The following AGBL4 variants were observed in gnomAD, a reference collection of about 807,000 sequenced individuals.
AGBL4 encodes the protein AGBL carboxypeptidase 4, also known as cytosolic carboxypeptidase 6.
In AGBL4, 58 loss-of-function variants were observed where a neutral mutation model predicts 66.4. The ratio of observed to expected loss-of-function variants is 0.87; its 90% confidence interval spans 0.71 to 1.09. The LOEUF (loss-of-function observed/expected upper bound fraction) is 1.09, where lower values mean the gene tolerates loss of function less well. Ranked by LOEUF, AGBL4 falls within the 50% of genes least tolerant of loss-of-function variation. The pLI is 0.00. For synonymous variants in AGBL4, 234 were observed against 222.9 expected (o/e 1.05, Z -0.44); for missense variants, 579 against 631.0 (o/e 0.92, Z 0.88).
chr1:49,257,531 C>T (rs556328730), intron 3 of AGBL4: 1 of 153,080 alleles, frequency 6.5e-6, no homozygotes, highest in South Asian at 2.1e-4. Context: ...CAGAAAAGCG[C>T]AGTATTCGGG....
At chr1:49,291,378 G>T (rs1644530325) in intron 3 of AGBL4, among the ~76,000 whole-genome samples, 1 of 152,112 alleles carries the variant, frequency 6.6e-6, no homozygotes. Flanking sequence ...AAGAAAAAAG[G>T]ATAATAGTCC....
intron 4 of AGBL4, among the ~76,000 whole-genome samples, chr1:49,053,802 C>T (rs553807052): frequency 2.6e-5 from 4 of 152,150 alleles, no homozygotes; most frequent in East Asian, 1.9e-4. Flanking sequence ...TCTCATGACA[C>T]GCAATAATAA....
intron 2 of AGBL4, among the ~76,000 whole-genome samples, chr1:49,757,534 A>C (rs1342978602): frequency 1.3e-5 from 2 of 152,170 alleles, no homozygotes; most frequent in Non-Finnish European, 2.9e-5. Context: ...GGAACTTCCT[A>C]GAGACTTGTT....
chr1:48,634,538 G>C lies in AGBL4; in HGVS notation c.906C>G (p.Thr302=), dbSNP rs12091956. ...CGATGAGTTGTTTCACTCCATGCAG[G>C]GTAGGATGGACCCATGGAGAGGGAT... ...WLDPSPWVHP[T]LHGVKQLIVQ... Residue 302 remains threonine (T), a synonymous_variant, in exon 9 of 14, where the codon ACC becomes ACG. Transcript: ENST00000371839. 2.3e-4 allele frequency: 371 copies of C among 1,607,008 alleles called. No homozygotes were observed. The African/African-American group carries it at 4.1e-3, about 18-fold the overall frequency.
intron 1 of AGBL4, among the ~76,000 whole-genome samples, chr1:49,919,970 C>G (rs1278126539): frequency 1.5e-4 from 22 of 150,764 alleles, no homozygotes; most frequent in East Asian, 3.9e-4. Context: ...ACAAACCTGA[C>G]AAAAACAAGA....
chr1:49,823,323 A>C (rs1160214875), intron 2 of AGBL4, among the ~76,000 whole-genome samples: 1 of 152,186 alleles, frequency 6.6e-6, no homozygotes, highest in Non-Finnish European at 1.5e-5. Context: ...GTGGGCTGGA[A>C]AAATTATTAT....
intron 11 of AGBL4, among the ~76,000 whole-genome samples, chr1:48,560,274 T>C (rs566638279): frequency 2.1e-4 from 32 of 152,344 alleles, no homozygotes; most frequent in African/African-American, 7.7e-4. Flanking sequence ...GTATGTGTCC[T>C]TGAGATGCTC....
rs572193616 is a variant in AGBL4, at chr1:49,638,501, T to G, written c.282+58812A>C. 2.0e-5 allele frequency among the ~76,000 whole-genome samples: 3 copies of G among 152,340 alleles called. No homozygotes were observed. In the East Asian group the frequency reaches 5.8e-4, roughly 29 times the overall value. ...AAGAAGTACGGATATAGTTTCGCTGTGTCCTCACCCAAATCTCTTCTTGAA... is the reference window on the plus strand; with the variant it reads ...AAGAAGTACGGATATAGTTTCGCTGGGTCCTCACCCAAATCTCTTCTTGAA... On this transcript the variant is annotated intron_variant, in intron 3 of 13. Transcript: ENST00000371839.
chr1:49,569,246 G>C (rs1341357754), intron 3 of AGBL4, among the ~76,000 whole-genome samples: 2 of 152,128 alleles, frequency 1.3e-5, no homozygotes, highest in East Asian at 1.9e-4. Flanking sequence ...TTGGGGGCTG[G>C]GGCAGGGGTA....
At chr1:49,159,427 G>T (rs1646498378) in intron 4 of AGBL4, among the ~76,000 whole-genome samples, 1 of 152,222 alleles carries the variant, frequency 6.6e-6, no homozygotes, top group African/African-American at 2.4e-5. Flanking sequence ...TCTGCAGAGA[G>T]ATCTGCTGTT....
chr1:49,107,173 C>A (rs1400664208), intron 4 of AGBL4, among the ~76,000 whole-genome samples: 1 of 152,046 alleles, frequency 6.6e-6, no homozygotes, highest in Non-Finnish European at 1.5e-5. Context: ...CTGTGTACTT[C>A]AATAATTAGT....
intron 1 of AGBL4, among the ~76,000 whole-genome samples, chr1:50,016,549 G>A (rs1269745054): frequency 6.6e-6 from 1 of 152,140 alleles, no homozygotes; most frequent in Non-Finnish European, 1.5e-5. Flanking sequence ...GTGACAGAGT[G>A]TGACTTTGTC....
chr1:49,362,305 C>A (rs183216052), intron 3 of AGBL4, among the ~76,000 whole-genome samples: 1 of 152,136 alleles, frequency 6.6e-6, no homozygotes, highest in African/African-American at 2.4e-5. Context: ...TGACTACAAC[C>A]AGCCTCTCAA....
rs561435062 is a variant in AGBL4, at chr1:49,335,783, G to T, written c.283-89919C>A. Among the ~76,000 whole-genome samples the T allele has an allele frequency of 3.3e-5, 5 of 152,224 alleles. No homozygotes were observed. The South Asian group carries it at 1.0e-3, about 32-fold the overall frequency. On this transcript the variant is annotated intron_variant, in intron 3 of 13. Coordinates refer to ENST00000371839, the MANE Select transcript of AGBL4 (RefSeq NM_032785.4). ...GCCCACCTTGGCCCCCCAAAATGCTGGGATTATAGGCGTGAGCCACCGTGC... is the reference window on the plus strand; with the variant it reads ...GCCCACCTTGGCCCCCCAAAATGCTTGGATTATAGGCGTGAGCCACCGTGC...
intron 4 of AGBL4, among the ~76,000 whole-genome samples, chr1:49,085,257 G>A (rs1032492063): frequency 7.2e-6 from 1 of 138,766 alleles, no homozygotes; most frequent in African/African-American, 2.8e-5. Context: ...ATTTAGACTG[G>A]GACTTTCATC....
intron 12 of AGBL4, among the ~76,000 whole-genome samples, chr1:48,538,575 C>T (rs1263793891): frequency 6.6e-6 from 1 of 152,034 alleles, no homozygotes; most frequent in Non-Finnish European, 1.5e-5. Flanking sequence ...GGATGAAACC[C>T]TGGCTCTCCC....
chr1:49,656,539 C>T (rs1458641059), intron 3 of AGBL4, among the ~76,000 whole-genome samples: 1 of 152,120 alleles, frequency 6.6e-6, no homozygotes, highest in South Asian at 2.1e-4. Flanking sequence ...CAAAGCCGGG[C>T]AGAGGCACAA....
intron 1 of AGBL4, among the ~76,000 whole-genome samples, chr1:49,929,986 T>C (rs1329725951): frequency 6.6e-6 from 1 of 152,012 alleles, no homozygotes; most frequent in African/African-American, 2.4e-5. Flanking sequence ...ATAAAAGTTA[T>C]ACTTAATAAA....
At chr1:49,523,459 T>A (rs1179631710) in intron 3 of AGBL4, among the ~76,000 whole-genome samples, 1 of 152,100 alleles carries the variant, frequency 6.6e-6, no homozygotes, top group African/African-American at 2.4e-5. Flanking sequence ...TAGTGCTTTG[T>A]GTAGCACTGG....
Sources: allele counts gnomAD v4.1 joint callset (sites outside exome capture counted in the v4.1 genomes callset), GRCh38; gene constraint gnomAD v4.1.1; transcripts MANE v1.5; gene names NCBI Gene and HGNC (gene_info 2026-07-23, HGNC 2026-07-21).